The following MAGI2 variants were observed in gnomAD, a reference collection of about 807,000 sequenced individuals.
MAGI2 encodes the protein membrane-associated guanylate kinase, WW and PDZ domain-containing protein 2.
A neutral mutation model predicts 133.3 loss-of-function variants in MAGI2; 35 were observed. The ratio of observed to expected loss-of-function variants is 0.26; its 90% CI spans 0.20 to 0.35. The LOEUF (loss-of-function observed/expected upper bound fraction) is 0.35. Among genes scored for constraint, MAGI2 ranks in the 10% least tolerant of loss-of-function variants. The probability of loss-of-function intolerance (pLI) is 1.00; values close to 1 mark genes in which losing one functional copy is unlikely to be tolerated. For missense variants in MAGI2, 1,636 were observed against 1,863.4 expected (o/e 0.88, Z 2.25); for synonymous variants, 729 against 710.6 (o/e 1.03, Z -0.41).
chr7:79,281,370 C>T (rs1835627848), intron 1 of MAGI2, among the ~76,000 whole-genome samples: 1 of 152,056 alleles, frequency 6.6e-6, no homozygotes, highest in African/African-American at 2.4e-5. Flanking sequence ...TTCTGGGACA[C>T]ACACTGAGAG....
intron 3 of MAGI2, among the ~76,000 whole-genome samples, chr7:78,527,172 G>A (rs1171014371): frequency 6.6e-6 from 1 of 152,060 alleles, no homozygotes. Context: ...ATTGCAAAGG[G>A]AGAGAGACTA....
intron 1 of MAGI2, among the ~76,000 whole-genome samples, chr7:79,020,582 T>C (rs1446011035): frequency 6.6e-6 from 1 of 151,886 alleles, no homozygotes; most frequent in Non-Finnish European, 1.5e-5. Context: ...CTGGCTAACA[T>C]GGTGAAACCC....
At chr7:78,887,152 T>C (rs1013571549) in intron 2 of MAGI2, among the ~76,000 whole-genome samples, 10 of 152,218 alleles carry the variant, frequency 6.6e-5, no homozygotes, top group Non-Finnish European at 1.5e-4. Flanking sequence ...TTCTTCACAG[T>C]AGCATGAGAA....
At chr7:79,172,343 AC>A (rs1266208915) in intron 1 of MAGI2, among the ~76,000 whole-genome samples, 2 of 152,092 alleles carry the variant, frequency 1.3e-5, no homozygotes, top group African/African-American at 4.8e-5. Context: ...TTATAGCCAT[AC>A]CTTTGAACCC....
chr7:79,394,634 A>G (rs1455690025), intron 1 of MAGI2, among the ~76,000 whole-genome samples: 1 of 152,168 alleles, frequency 6.6e-6, no homozygotes, highest in African/African-American at 2.4e-5. Flanking sequence ...TATGCAGCCA[A>G]CCCCAGGCAT....
chr7:78,473,130 GAAC>G (rs1375202032), intron 6 of MAGI2, among the ~76,000 whole-genome samples: 1 of 151,990 alleles, frequency 6.6e-6, no homozygotes, highest in Admixed American at 6.6e-5. Flanking sequence ...AATGTTTTGT[GAAC>G]AACAGATACC....
chr7:78,585,859 T>G (rs1265147841), intron 3 of MAGI2, among the ~76,000 whole-genome samples: 1 of 152,186 alleles, frequency 6.6e-6, no homozygotes, highest in African/African-American at 2.4e-5. Flanking sequence ...AACTGCTAAC[T>G]TCATGAAGAT....
intron 6 of MAGI2, among the ~76,000 whole-genome samples, chr7:78,439,431 AC>A (rs1039057935): frequency 6.6e-6 from 1 of 152,130 alleles, no homozygotes; most frequent in African/African-American, 2.4e-5. Flanking sequence ...GATAAGATAA[AC>A]GTGACAAAAT....
intron 10 of MAGI2, among the ~76,000 whole-genome samples, chr7:78,214,488 G>GAGAT (rs1214367393): frequency 6.6e-6 from 1 of 152,154 alleles, no homozygotes; most frequent in Non-Finnish European, 1.5e-5. Flanking sequence ...TATGAGATAT[G>GAGAT]AGATATCAAT....
chr7:79,135,998 A>AGG (rs1484858108), intron 1 of MAGI2, among the ~76,000 whole-genome samples: 5 of 32,736 alleles, frequency 1.5e-4, no homozygotes, highest in African/African-American at 3.0e-4. Flanking sequence ...AAAGAAAGAA[A>AGG]GAAAGAGAAA....
rs557581650 is a variant in MAGI2, at chr7:78,074,822, T to G, written c.3706+4125A>C. 2.4e-3 allele frequency among the ~76,000 whole-genome samples: 362 copies of G among 152,314 alleles called. 1 individual carries two copies. The highest frequency in any genetic ancestry group is 8.2e-3 in the African/African-American group (339 of 41,566). ...TTATGGTGTTCCTAGCAGTGGGCAC[T>G]CCTTGTATGTAGTGGTCACTTGTAT... On this transcript the variant is annotated intron_variant, in intron 21 of 21. Coordinates refer to ENST00000354212, the MANE Select transcript of MAGI2 (RefSeq NM_012301.4).
chr7:79,123,645 G>T (rs1056481614), intron 1 of MAGI2, among the ~76,000 whole-genome samples: 9 of 151,892 alleles, frequency 5.9e-5, no homozygotes, highest in African/African-American at 2.2e-4. Context: ...AATTAGCCAG[G>T]CGTGGTGGGG....
At chr7:78,438,480 C>T (rs915842126) in intron 6 of MAGI2, among the ~76,000 whole-genome samples, 1 of 152,160 alleles carries the variant, frequency 6.6e-6, no homozygotes, top group Non-Finnish European at 1.5e-5. Context: ...TTCACCAAAA[C>T]ACTTCACCAG....
Position 79,200,252 on chromosome 7 carries a change from G to A in MAGI2, c.302-193046C>T, listed in dbSNP as rs577831453. 3.9e-5 allele frequency among the ~76,000 whole-genome samples: 6 copies of A among 151,930 alleles called. No homozygotes were observed. In the South Asian group the frequency reaches 1.2e-3, roughly 32 times the overall value. Reference sequence around the variant, plus strand: ...TACTGAGTCATTTTGAAAAGTTTTAGGCCAAGGCTAACTTTCTTACATGCA... The same window carrying A: ...TACTGAGTCATTTTGAAAAGTTTTAAGCCAAGGCTAACTTTCTTACATGCA... On this transcript the variant is annotated intron_variant, in intron 1 of 21. Transcript: ENST00000354212.
In MAGI2 at chr7:78,564,957, C is replaced by A. The variant is rs556019138; in HGVS notation, c.539-43312G>T. On this transcript the variant is annotated intron_variant, in intron 3 of 21. Transcript: ENST00000354212. Reference sequence around the variant, plus strand: ...TACAGGCACCCGCCACCACGCCCAGCTAATTTTTTGTGTTTTTAGTAGAGA... The same window carrying A: ...TACAGGCACCCGCCACCACGCCCAGATAATTTTTTGTGTTTTTAGTAGAGA... Among the ~76,000 whole-genome samples, 11 of 151,664 alleles carry A rather than the reference C, an allele frequency of 7.3e-5. 1 individual carries two copies. The South Asian group carries it at 8.4e-4, about 12-fold the overall frequency.
chr7:79,262,655 T>A (rs1178052407), intron 1 of MAGI2, among the ~76,000 whole-genome samples: 1 of 152,144 alleles, frequency 6.6e-6, no homozygotes, highest in Non-Finnish European at 1.5e-5. Flanking sequence ...ACAAAGTGAG[T>A]TGCTAGACCC....
chr7:78,910,972 T>C (rs1195449840), intron 2 of MAGI2, among the ~76,000 whole-genome samples: 1 of 152,242 alleles, frequency 6.6e-6, no homozygotes, highest in Non-Finnish European at 1.5e-5. Context: ...AGGAATTCTA[T>C]GGCCTATGTT....
intron 1 of MAGI2, among the ~76,000 whole-genome samples, chr7:79,209,955 A>G (rs1486491275): frequency 6.6e-6 from 1 of 152,056 alleles, no homozygotes; most frequent in Admixed American, 6.6e-5. Context: ...TTAAATAAGC[A>G]TACAGTTTAC....
chr7:79,379,223 G>C (rs1248882252), intron 1 of MAGI2, among the ~76,000 whole-genome samples: 1 of 146,010 alleles, frequency 6.8e-6, no homozygotes, highest in African/African-American at 2.5e-5. Flanking sequence ...TTGGTTTTTT[G>C]TCCTTGCGAT....
Sources: gnomAD v4.1 joint callset for allele counts (sites outside exome capture counted in the v4.1 genomes callset) on GRCh38, gnomAD v4.1.1 for gene constraint, MANE v1.5 for transcripts, NCBI Gene and HGNC (gene_info 2026-07-23, HGNC 2026-07-21) for gene names.